The following DAB1 variants were observed in gnomAD, a reference collection of about 807,000 sequenced individuals.
DAB1 encodes the protein disabled homolog 1.
Under a neutral mutation model 64.6 loss-of-function variants are expected in DAB1, and 15 were observed. The ratio of observed to expected loss-of-function variants is 0.23; its 90% CI spans 0.16 to 0.36. The LOEUF is 0.36. Ranked by LOEUF, DAB1 falls within the 10% of genes least tolerant of loss-of-function variation. The probability of loss-of-function intolerance (pLI) is 1.00; values close to 1 mark genes in which losing one functional copy is unlikely to be tolerated. For synonymous variants in DAB1, 235 were observed against 251.9 expected, an observed-to-expected ratio of 0.93 and a Z score of 0.64; for missense variants, 596 against 706.7, an observed-to-expected ratio of 0.84 and a Z score of 1.78.
chr1:58,138,110 G>A (rs983464822), intron 5 of DAB1, among the ~76,000 whole-genome samples: 3 of 152,182 alleles, frequency 2.0e-5, no homozygotes, highest in African/African-American at 7.2e-5. Context: ...CCACTCACAA[G>A]TATTTGTTGA....
At chr1:57,958,055 G>A (rs571856635) in intron 5 of DAB1, among the ~76,000 whole-genome samples, 13 of 151,924 alleles carry the variant, frequency 8.6e-5, no homozygotes, top group African/African-American at 2.9e-4. Flanking sequence ...CATGATCTCA[G>A]CTCACTTCAA....
chr1:58,371,300 A>G (rs1441228788), intron 3 of DAB1, among the ~76,000 whole-genome samples: 1 of 152,192 alleles, frequency 6.6e-6, no homozygotes, highest in Non-Finnish European at 1.5e-5. Context: ...AGATCTGTGG[A>G]ACTTTGAACT....
intron 2 of DAB1, among the ~76,000 whole-genome samples, chr1:57,227,520 TG>T (rs1553158362): frequency 4.7e-4 from 6 of 12,632 alleles, no homozygotes; most frequent in African/African-American, 2.3e-3. Flanking sequence ...TTTTTTCTTT[TG>T]TGTGTGTGTG....
At chr1:57,565,645 C>T (rs1645110080) in intron 7 of DAB1, among the ~76,000 whole-genome samples, 1 of 152,132 alleles carries the variant, frequency 6.6e-6, no homozygotes, top group Non-Finnish European at 1.5e-5. Flanking sequence ...ATAAAGCAGA[C>T]TTTAAACCAA....
chr1:57,587,660 A>C (rs1392434531), intron 7 of DAB1, among the ~76,000 whole-genome samples: 1 of 152,240 alleles, frequency 6.6e-6, no homozygotes, highest in Non-Finnish European at 1.5e-5. Context: ...ACTCTGCTGC[A>C]GGTCAGCTTA....
chr1:57,216,886 T>C (rs75294472), intron 2 of DAB1, among the ~76,000 whole-genome samples: 2,094 of 152,336 alleles, frequency 0.014, 38 homozygotes, highest in Admixed American at 0.058. Context: ...CAGGTTCTCC[T>C]CATTCTAAAA....
intron 6 of DAB1, among the ~76,000 whole-genome samples, chr1:57,770,829 T>C (rs1356825432): frequency 6.6e-6 from 1 of 152,216 alleles, no homozygotes; most frequent in Non-Finnish European, 1.5e-5. Flanking sequence ...AGAAAATGTG[T>C]GATGGGTGAA....
chr1:58,498,142 A>G (rs956956424), intron 3 of DAB1, among the ~76,000 whole-genome samples: 1 of 152,170 alleles, frequency 6.6e-6, no homozygotes, highest in Non-Finnish European at 1.5e-5. Flanking sequence ...ATACTGTTCA[A>G]TATCAGTGGG....
At chr1:57,895,948 T>C (rs184492524) in intron 5 of DAB1, among the ~76,000 whole-genome samples, 2 of 152,288 alleles carry the variant, frequency 1.3e-5, no homozygotes, top group East Asian at 3.9e-4. Flanking sequence ...GAGGAAAGCA[T>C]GCATGTGGCT....
chr1:58,227,752 G>T (rs1454712641), intron 4 of DAB1, among the ~76,000 whole-genome samples: 2 of 152,116 alleles, frequency 1.3e-5, no homozygotes, highest in South Asian at 2.1e-4. Context: ...AGTGTAAGCC[G>T]GTCTCAGCTC....
chr1:57,428,024 C>T (rs186993863), upstream of DAB1, among the ~76,000 whole-genome samples: 19 of 152,132 alleles, frequency 1.2e-4, no homozygotes, highest in East Asian at 1.9e-4. Flanking sequence ...AAAACTTAGC[C>T]GGGCGTGGTG....
At chr1:57,414,457 A>G (rs72909227) in intron 1 of DAB1, among the ~76,000 whole-genome samples, 14,378 of 152,262 alleles carry the variant, frequency 0.094, 781 homozygotes, top group Admixed American at 0.12. Flanking sequence ...ATTTTTTTAC[A>G]TAATGCTATT....
chr1:57,782,465 G>T (rs1454541300), intron 6 of DAB1, among the ~76,000 whole-genome samples: 13 of 152,050 alleles, frequency 8.5e-5, no homozygotes, highest in Non-Finnish European at 1.8e-4. Context: ...CTCGATCTGT[G>T]CAAACACTCA....
Position 58,428,889 on chromosome 1 carries a change from G to A in DAB1, n.257+77171C>T, listed in dbSNP as rs146739621. 1.6e-3 allele frequency among the ~76,000 whole-genome samples: 248 copies of A among 152,298 alleles called. 1 individual carries two copies. Among genetic ancestry groups the A allele is most frequent in the African/African-American group, 5.5e-3 (230 of 41,566 alleles). On this transcript the variant is annotated intron_variant and non_coding_transcript_variant, in intron 3 of 20. Coordinates refer to the DAB1 transcript ENST00000485760. ...AATATACACAAGAAATTCAAGAACA[G>A]GCAAAACTCATTGTAAAGGAGTCCC... is the stretch of plus-strand genomic sequence containing the variant.
At chr1:57,759,419 T>C (rs868866265) in intron 6 of DAB1, among the ~76,000 whole-genome samples, 1 of 152,224 alleles carries the variant, frequency 6.6e-6, no homozygotes, top group Non-Finnish European at 1.5e-5. Context: ...TATGTGCATA[T>C]TATCATATAC....
intron 6 of DAB1, among the ~76,000 whole-genome samples, chr1:57,655,760 T>A (rs1322781374): frequency 6.6e-6 from 1 of 152,220 alleles, no homozygotes; most frequent in South Asian, 2.1e-4. Context: ...AAAAAGTAAC[T>A]TTTGTAAAAT....
chr1:57,355,848 C>G (rs980995521), intron 1 of DAB1, among the ~76,000 whole-genome samples: 2 of 139,924 alleles, frequency 1.4e-5, no homozygotes, highest in Non-Finnish European at 3.1e-5. Context: ...GTAGTGGTAA[C>G]TAGCTTTTTT....
chr1:58,477,914 T>C (rs184595035), intron 3 of DAB1, among the ~76,000 whole-genome samples: 2 of 152,248 alleles, frequency 1.3e-5, no homozygotes, highest in East Asian at 1.9e-4. Context: ...GTAACTTCCA[T>C]TACCCCTCTA....
intron 5 of DAB1, among the ~76,000 whole-genome samples, chr1:57,893,137 A>T (rs1325378643): frequency 6.6e-6 from 1 of 151,900 alleles, no homozygotes; most frequent in African/African-American, 2.4e-5. Context: ...GCTTTATTTA[A>T]TCCTCACAGT....
Sources: gnomAD v4.1 joint callset for allele counts (sites outside exome capture counted in the v4.1 genomes callset) on GRCh38, gnomAD v4.1.1 for gene constraint, MANE v1.5 for transcripts, NCBI Gene and HGNC (gene_info 2026-07-23, HGNC 2026-07-21) for gene names.